Variants in INO80 observed in about 807,000 individuals in gnomAD.
The protein encoded by INO80 is INO80 complex ATPase subunit, also known as chromatin-remodeling ATPase INO80.
INO80 carries 20 observed loss-of-function variants against 203.4 expected under a neutral mutation model. The observed-to-expected ratio is 0.10, with a 90% CI of 0.07 to 0.14. The LOEUF (loss-of-function observed/expected upper bound fraction) is 0.14. Ranked by LOEUF, INO80 falls within the 10% of genes least tolerant of loss-of-function variation. The probability of loss-of-function intolerance (pLI) is 1.00; values close to 1 mark genes in which losing one functional copy is unlikely to be tolerated. For synonymous variants in INO80, 726 were observed against 685.2 expected (o/e 1.06, Z -0.93); for missense variants, 1,419 against 1,914.4 (o/e 0.74, Z 4.83).
At chr15:40,995,682 G>A (rs1282407983) in intron 29 of INO80, among the ~76,000 whole-genome samples, 1 of 152,162 alleles carries the variant, frequency 6.6e-6, no homozygotes, top group African/African-American at 2.4e-5. Flanking sequence ...GGGACAAAGT[G>A]ATGAATCTTG....
intron 29 of INO80, among the ~76,000 whole-genome samples, chr15:40,996,259 T>A (rs2043879556): frequency 6.6e-6 from 1 of 152,228 alleles, no homozygotes; most frequent in Non-Finnish European, 1.5e-5. Flanking sequence ...TATTTTTAAA[T>A]CTCAAAGTTA....
chr15:41,096,212 A>G lies in INO80; in HGVS notation c.99T>C (p.His33=). The G allele has an allele frequency of 5.0e-6, 8 of 1,613,102 alleles. No homozygotes were observed. The highest frequency in any genetic ancestry group is 6.8e-6 in the Non-Finnish European group (8 of 1,179,802). ...QYLERALRLD[H]FLRQTSAIFN... The stretch of plus-strand genomic sequence containing the variant: ...AGATAGCTGACGTTTGTCGCAGAAA[A>G]TGGTCCAACCGGAGGGCCCTCTCCA... Residue 33 remains histidine, a synonymous_variant, in exon 2 of 36, where the codon CAT becomes CAC. Transcript: ENST00000648947.
chr15:41,067,424 A>G (rs560166229), intron 14 of INO80, among the ~76,000 whole-genome samples: 3 of 152,156 alleles, frequency 2.0e-5, no homozygotes, highest in African/African-American at 7.2e-5. Context: ...ACTGAACATC[A>G]TATGAAAAAA....
At chr15:40,985,497 G>A in intron 31 of INO80, 71 bp from the exon 32 acceptor site, 1 of 1,092,326 alleles carries the variant, frequency 9.2e-7, no homozygotes, top group East Asian at 2.4e-5. Context: ...CTTAATTAAG[G>A]TGGCCATATC....
At chr15:41,099,275 A>G (rs1293283961) in intron 1 of INO80, among the ~76,000 whole-genome samples, 21 of 140,832 alleles carry the variant, frequency 1.5e-4, no homozygotes, top group Non-Finnish European at 2.9e-4. Flanking sequence ...AAACAAACAC[A>G]CACACACACA....
intron 5 of INO80, 152 bp downstream of exon 5, chr15:41,091,875 A>T: frequency 1.9e-6 from 1 of 519,850 alleles, no homozygotes; most frequent in Non-Finnish European, 3.3e-6. Flanking sequence ...GATGGTTTCA[A>T]TTTCTTGACC....
intron 22 of INO80, 75 bp from the exon 23 acceptor site, chr15:41,047,576 T>C: frequency 9.6e-7 from 1 of 1,041,278 alleles, no homozygotes; most frequent in Non-Finnish European, 1.4e-6. Flanking sequence ...GCTCAACTGC[T>C]GAGTTTTGAC....
intron 24 of INO80, among the ~76,000 whole-genome samples, chr15:41,043,091 T>C (rs1032050746): frequency 2.0e-5 from 3 of 152,192 alleles, no homozygotes; most frequent in South Asian, 4.1e-4. Context: ...CTAACTGATA[T>C]AAGGACCTCA....
At chr15:40,980,524 T>G in intron 35 of INO80, 84 bp from the exon 36 acceptor site, 1 of 1,015,512 alleles carries the variant, frequency 9.8e-7, no homozygotes, top group Admixed American at 2.0e-5. Flanking sequence ...TACCAGAGTC[T>G]GAGCTGGAGG....
chr15:41,063,467 A>G (rs1341448506), intron 14 of INO80, among the ~76,000 whole-genome samples: 1 of 152,006 alleles, frequency 6.6e-6, no homozygotes, highest in Non-Finnish European at 1.5e-5. Context: ...AATATTCCCA[A>G]CAAGAGGCAA....
At chr15:41,035,587 C>T (rs1447299015) in intron 24 of INO80, among the ~76,000 whole-genome samples, 2 of 151,262 alleles carry the variant, frequency 1.3e-5, no homozygotes, top group African/African-American at 2.4e-5. Context: ...TTTGAGAGGC[C>T]GAGGCAGATG....
chr15:41,100,117 G>A (rs1272536453), intron 1 of INO80, among the ~76,000 whole-genome samples: 2 of 151,798 alleles, frequency 1.3e-5, no homozygotes, highest in Middle Eastern at 3.4e-3. Context: ...TCTTGTAGCC[G>A]AGGCTGGAAT....
intron 14 of INO80, among the ~76,000 whole-genome samples, chr15:41,061,964 G>A (rs2045118679): frequency 6.6e-6 from 1 of 152,114 alleles, no homozygotes; most frequent in Admixed American, 6.6e-5. Flanking sequence ...CCTTATCCCT[G>A]CACCTCACAG....
intron 28 of INO80, among the ~76,000 whole-genome samples, chr15:40,999,896 G>A (rs1208878814): frequency 6.6e-6 from 1 of 152,168 alleles, no homozygotes; most frequent in Non-Finnish European, 1.5e-5. Context: ...TTCGAGATCA[G>A]CTTGGGCAAT....
chr15:40,992,751 A>G (rs927547993), intron 29 of INO80, among the ~76,000 whole-genome samples: 4 of 152,148 alleles, frequency 2.6e-5, no homozygotes, highest in African/African-American at 7.2e-5. Context: ...CCAAAATTAA[A>G]ATGTAAATTA....
chr15:41,091,563 C>T (rs2045642095), intron 5 of INO80, among the ~76,000 whole-genome samples: 2 of 151,910 alleles, frequency 1.3e-5, no homozygotes, highest in Non-Finnish European at 2.9e-5. Flanking sequence ...TGTTCCCCTT[C>T]CTGTGTCCAT....
chr15:41,020,488 T>A (rs1206012704), intron 26 of INO80, among the ~76,000 whole-genome samples: 1 of 152,200 alleles, frequency 6.6e-6, no homozygotes, highest in Non-Finnish European at 1.5e-5. Flanking sequence ...CTTGTTATCA[T>A]TCAGATCTCT....
intron 28 of INO80, 148 bp downstream of exon 28, chr15:41,005,445 T>C (rs2044027389): frequency 1.7e-6 from 1 of 575,284 alleles, no homozygotes; most frequent in African/African-American, 1.9e-5. Context: ...GATAAGCAGA[T>C]TTAGTAACTT....
chr15:41,078,226 T>A (rs1397970240), intron 9 of INO80, among the ~76,000 whole-genome samples: 5 of 152,068 alleles, frequency 3.3e-5, no homozygotes, highest in Non-Finnish European at 7.4e-5. Context: ...CCTAAAGAAG[T>A]TAACTACCAT....
Sources: allele counts gnomAD v4.1 joint callset (sites outside exome capture counted in the v4.1 genomes callset), GRCh38; gene constraint gnomAD v4.1.1; transcripts MANE v1.5; gene names NCBI Gene and HGNC (gene_info 2026-07-23, HGNC 2026-07-21).